MKRN2OS: variants seen among roughly 807,000 people sequenced by gnomAD.
The protein encoded by MKRN2OS is MKRN2 opposite strand protein.
In MKRN2OS, 17 loss-of-function variants were observed where a neutral mutation model predicts 18.2. The ratio of observed to expected loss-of-function variants is 0.93; its 90% confidence interval spans 0.64 to 1.40. The LOEUF is 1.40. MKRN2OS is among the 40% of genes most tolerant of loss of function. The probability of loss-of-function intolerance (pLI) is 0.00; values close to 1 mark genes in which losing one functional copy is unlikely to be tolerated. For missense variants in MKRN2OS, 337 were observed against 283.0 expected (o/e 1.19, Z -1.37); for synonymous variants, 121 against 108.5 (o/e 1.12, Z -0.72).
chr3:12,559,030 T>C (rs2596819), intron 1 of MKRN2OS, among the ~76,000 whole-genome samples: 87,948 of 152,068 alleles, frequency 0.58, 27,910 homozygotes, highest in African/African-American at 0.84. Context: ...AGATAAGTTT[T>C]GAAATGCTAA....
At chr3:12,554,963 C>A (rs1001116200) in intron 1 of MKRN2OS, among the ~76,000 whole-genome samples, 4 of 152,086 alleles carry the variant, frequency 2.6e-5, no homozygotes, top group Admixed American at 1.3e-4. Context: ...AACATAATAA[C>A]GTTCAGATCG....
chr3:12,546,875 G>A (rs939373213), upstream of MKRN2OS, among the ~76,000 whole-genome samples: 1 of 152,182 alleles, frequency 6.6e-6, no homozygotes, highest in Non-Finnish European at 1.5e-5. Flanking sequence ...ACCGCACCCA[G>A]CCTACATGGG....
At chr3:12,541,409 G>A (rs778511735) in intron 3 of MKRN2OS, among the ~76,000 whole-genome samples, 2 of 151,990 alleles carry the variant, frequency 1.3e-5, no homozygotes, top group East Asian at 1.9e-4. Flanking sequence ...AATAGAGACG[G>A]GGTTTTACCA....
At chr3:12,543,691 G>T (rs1273360825) in intron 1 of MKRN2OS, among the ~76,000 whole-genome samples, 2 of 150,872 alleles carry the variant, frequency 1.3e-5, no homozygotes, top group Non-Finnish European at 2.9e-5. Context: ...TTCGAGACCA[G>T]CCTGGAAAAC....
chr3:12,553,503 C>A (rs1022371440), downstream of MKRN2OS, among the ~76,000 whole-genome samples: 1 of 151,626 alleles, frequency 6.6e-6, no homozygotes, highest in Admixed American at 6.6e-5. Context: ...AAGAAACTTT[C>A]TTAATTTGGC....
chr3:12,540,093 C>T lies in MKRN2OS; in HGVS notation c.*100G>A, dbSNP rs13069599. 217,806 of 1,489,758 alleles carry T rather than the reference C, an allele frequency of 0.15. 18,244 individuals are homozygous for T. The highest frequency in any genetic ancestry group is 0.29 in the Admixed American group (14,469 of 49,722). 92.3% of individuals were successfully genotyped at this position (1,489,758 alleles called of 1,614,324 possible). On this transcript the variant is annotated 3_prime_UTR_variant, in exon 4 of 4. Transcript: ENST00000564146. ...AGCCACCATGCCCGGCCCATACACG[C>T]TTTTATTAACCACAGTTAAATGCAT... is the stretch of plus-strand genomic sequence containing the variant.
downstream of MKRN2OS, among the ~76,000 whole-genome samples, chr3:12,551,040 G>A (rs1399944562): frequency 2.0e-5 from 3 of 151,736 alleles, no homozygotes; most frequent in African/African-American, 7.3e-5. Flanking sequence ...CCACCCATCG[G>A]TGGGACATGA....
downstream of MKRN2OS, among the ~76,000 whole-genome samples, chr3:12,553,123 T>G (rs2057941857): frequency 6.6e-6 from 1 of 152,026 alleles, no homozygotes; most frequent in African/African-American, 2.4e-5. Flanking sequence ...ATACCCATAT[T>G]ACACAGACTT....
At chr3:12,547,511 C>T (rs2057895396), upstream of MKRN2OS, among the ~76,000 whole-genome samples, 2 of 151,712 alleles carry the variant, frequency 1.3e-5, no homozygotes, top group Admixed American at 6.6e-5. Flanking sequence ...ACCACTGTAC[C>T]CAGCTTGGGT....
chr3:12,546,415 A>C (rs1279470566), upstream of MKRN2OS, among the ~76,000 whole-genome samples: 2 of 152,072 alleles, frequency 1.3e-5, no homozygotes, highest in African/African-American at 4.8e-5. Context: ...GTTGTGACTC[A>C]TCTGGGTGTT....
intron 2 of MKRN2OS, among the ~76,000 whole-genome samples, chr3:12,542,913 T>C (rs1350045747): frequency 6.6e-6 from 1 of 152,102 alleles, no homozygotes; most frequent in Non-Finnish European, 1.5e-5. Flanking sequence ...TCTTCCTCTT[T>C]TAAAAACCAA....
chr3:12,545,241 CTG>C lies in MKRN2OS; in HGVS notation c.218+4_218+5del. On this transcript the variant is annotated splice_donor_5th_base_variant and intron_variant, in intron 1 of 3. Transcript: ENST00000564146. The stretch of plus-strand genomic sequence containing the variant: ...ATGCAATTTAACACTGTAAAAAACA[CTG>C]TACCTAAGAAATGTCCCCTGAGTTG... The C allele has an allele frequency of 1.3e-6, 2 of 1,525,734 alleles. No homozygotes were observed. The highest frequency in any genetic ancestry group is 1.8e-6 in the Non-Finnish European group (2 of 1,139,892). The allele number at this position is 1,525,734 out of a possible 1,614,324, so 94.5% of individuals were successfully genotyped here.
chr3:12,545,772 G>T (rs2057877030), upstream of MKRN2OS, among the ~76,000 whole-genome samples: 1 of 152,130 alleles, frequency 6.6e-6, no homozygotes. Context: ...GTCTTCCCTT[G>T]CAGTGGCAGC....
upstream of MKRN2OS, among the ~76,000 whole-genome samples, chr3:12,546,457 T>C (rs2057884198): frequency 6.6e-6 from 1 of 151,974 alleles, no homozygotes; most frequent in Non-Finnish European, 1.5e-5. Context: ...TTGTGAAAAA[T>C]CATCAAGCTG....
At chr3:12,544,548 C>A (rs1460549722) in intron 1 of MKRN2OS, among the ~76,000 whole-genome samples, 1 of 151,682 alleles carries the variant, frequency 6.6e-6, no homozygotes, top group Admixed American at 6.6e-5. Context: ...TGGTGGTGGG[C>A]GCCTGTAATC....
At position 12,558,318 on chromosome 3, in the gene MKRN2OS, G is replaced by C. The variant is rs549053185; in HGVS notation, n.264+2439C>G. 5.3e-5 allele frequency among the ~76,000 whole-genome samples: 8 copies of C among 152,258 alleles called. No individual in the cohort carries two copies. In the East Asian group the frequency reaches 1.5e-3, roughly 29 times the overall value. Reference sequence around the variant, plus strand: ...TAAAAAGACTTTTACTAGGTTATTTGTACTAGAAGGTGTTTTGTGAAGACG... The same window carrying C: ...TAAAAAGACTTTTACTAGGTTATTTCTACTAGAAGGTGTTTTGTGAAGACG... On this transcript the variant is annotated intron_variant and non_coding_transcript_variant, in intron 1 of 1. Transcript: ENST00000447550.
At chr3:12,557,150 C>G (rs1255352024) in intron 1 of MKRN2OS, 1 of 1,528,888 alleles carries the variant, frequency 6.5e-7, no homozygotes, top group Non-Finnish European at 8.8e-7. Context: ...GCCCAGCCAC[C>G]ATGAGCACCA....
intron 1 of MKRN2OS, chr3:12,557,101 A>G (rs56316314): frequency 0.031 from 43,089 of 1,393,022 alleles, 783 homozygotes; most frequent in Non-Finnish European, 0.035. Context: ...CCGAGGCGGC[A>G]GCGGCTGCGA....
intron 1 of MKRN2OS, among the ~76,000 whole-genome samples, chr3:12,554,649 C>T (rs190606856): frequency 6.6e-6 from 1 of 151,910 alleles, no homozygotes. Flanking sequence ...AGTCGTACAA[C>T]GGAATACTAT....
Sources: gnomAD v4.1 joint callset for allele counts (sites outside exome capture counted in the v4.1 genomes callset) on GRCh38, gnomAD v4.1.1 for gene constraint, MANE v1.5 for transcripts, NCBI Gene and HGNC (gene_info 2026-07-23, HGNC 2026-07-21) for gene names.